SLC4A10: variants seen among roughly 807,000 people sequenced by gnomAD.
The protein encoded by SLC4A10 is sodium-driven chloride bicarbonate exchanger.
SLC4A10 carries 42 observed loss-of-function variants against 137.7 expected under a neutral mutation model. That is an observed-to-expected ratio of 0.30 (90% confidence interval 0.24 to 0.39). The LOEUF is 0.39. SLC4A10 is among the 10% of genes least tolerant of loss of function. The probability of loss-of-function intolerance (pLI) is 1.00; values close to 1 mark genes in which losing one functional copy is unlikely to be tolerated. For missense variants in SLC4A10, 925 were observed against 1,355.0 expected (o/e 0.68, Z 4.98); for synonymous variants, 474 against 464.1 (o/e 1.02, Z -0.27).
At position 161,929,069 on chromosome 2, in the gene SLC4A10, A is replaced by G. The variant is rs570229179; in HGVS notation, c.1998-13723A>G. On this transcript the variant is annotated intron_variant, in intron 15 of 26. Transcript: ENST00000446997. ...TATGCAAATAACTTTCTGTTAAACT[A>G]TAGTACTGGCCCTTTTATTTCTGAG... is the stretch of plus-strand genomic sequence containing the variant. 2.0e-5 allele frequency among the ~76,000 whole-genome samples: 3 copies of G among 152,328 alleles called. No homozygotes were observed. In the South Asian group the frequency reaches 6.2e-4, roughly 32 times the overall value.
intron 1 of SLC4A10, among the ~76,000 whole-genome samples, chr2:161,674,325 G>A (rs959519605): frequency 6.6e-6 from 1 of 152,098 alleles, no homozygotes; most frequent in Non-Finnish European, 1.5e-5. Flanking sequence ...AAGTAGCATT[G>A]GTATTGCATT....
chr2:161,701,838 C>T (rs2043150423), intron 1 of SLC4A10, among the ~76,000 whole-genome samples: 2 of 151,378 alleles, frequency 1.3e-5, no homozygotes, highest in Admixed American at 1.3e-4. Context: ...ATATGCAAAT[C>T]AAAACCACAA....
intron 10 of SLC4A10, among the ~76,000 whole-genome samples, chr2:161,891,658 A>G (rs2062937824): frequency 6.6e-6 from 1 of 151,898 alleles, no homozygotes; most frequent in Admixed American, 6.6e-5. Context: ...GGTCATTTAT[A>G]TTCTTCTCTA....
chr2:161,650,501 AG>A (rs1443194817), intron 1 of SLC4A10, among the ~76,000 whole-genome samples: 2 of 151,726 alleles, frequency 1.3e-5, no homozygotes, highest in African/African-American at 4.8e-5. Flanking sequence ...TTTACTGGAC[AG>A]GGGAGCCCCA....
intron 17 of SLC4A10, 21 bp downstream of exon 17, chr2:161,947,748 T>A: frequency 6.2e-7 from 1 of 1,603,510 alleles, no homozygotes; most frequent in Admixed American, 1.7e-5. Flanking sequence ...TATTTCTTGA[T>A]CTAAATGTAA....
chr2:161,810,413 G>A (rs2056426777), intron 3 of SLC4A10, among the ~76,000 whole-genome samples: 1 of 152,022 alleles, frequency 6.6e-6, no homozygotes, highest in South Asian at 2.1e-4. Context: ...TTAAATAGGA[G>A]TGGTAAGAGT....
chr2:161,812,260 A>G (rs565265049), intron 3 of SLC4A10, among the ~76,000 whole-genome samples: 400 of 152,076 alleles, frequency 2.6e-3, no homozygotes, highest in African/African-American at 9.2e-3. Context: ...CCTAGGGAAC[A>G]TTTTCCTATT....
chr2:161,754,214 T>A (rs2049331526), intron 1 of SLC4A10, among the ~76,000 whole-genome samples: 1 of 152,098 alleles, frequency 6.6e-6, no homozygotes, highest in Non-Finnish European at 1.5e-5. Flanking sequence ...CTTCTTGAGT[T>A]GTATTGTCGA....
At chr2:161,844,316 C>A (rs538324764) in intron 4 of SLC4A10, among the ~76,000 whole-genome samples, 3 of 151,976 alleles carry the variant, frequency 2.0e-5, no homozygotes, top group Non-Finnish European at 4.4e-5. Flanking sequence ...GGATTTTTTA[C>A]GGGAAAATAA....
intron 1 of SLC4A10, among the ~76,000 whole-genome samples, chr2:161,630,664 G>A (rs751692653): frequency 2.6e-5 from 4 of 151,664 alleles, no homozygotes; most frequent in Admixed American, 2.0e-4. Context: ...TCTATTACTA[G>A]CATAGCATCA....
At chr2:161,928,185 T>C (rs1393826067) in intron 15 of SLC4A10, among the ~76,000 whole-genome samples, 1 of 148,752 alleles carries the variant, frequency 6.7e-6, no homozygotes, top group Non-Finnish European at 1.5e-5. Context: ...TGGAATACTA[T>C]GCAGCCATAA....
At chr2:161,939,508 ACATATGTAGATTTC>A (rs879655756) in intron 15 of SLC4A10, among the ~76,000 whole-genome samples, 71 of 152,152 alleles carry the variant, frequency 4.7e-4, no homozygotes, top group Non-Finnish European at 6.6e-4. Context: ...GCCACAATTA[ACATATGTAGATTTC>A]CATTTCTGAT....
intron 6 of SLC4A10, among the ~76,000 whole-genome samples, chr2:161,871,475 A>C (rs548025929): frequency 1.3e-5 from 2 of 152,158 alleles, no homozygotes; most frequent in Admixed American, 1.3e-4. Context: ...GACTTACTGC[A>C]AACAATGTTT....
intron 1 of SLC4A10, among the ~76,000 whole-genome samples, chr2:161,711,871 G>A (rs1211636997): frequency 1.3e-5 from 2 of 151,744 alleles, no homozygotes; most frequent in East Asian, 3.9e-4. Flanking sequence ...AAAGAGTTGT[G>A]GTAAACATTA....
chr2:161,926,630 C>A (rs1381426458), intron 15 of SLC4A10, among the ~76,000 whole-genome samples: 3 of 141,056 alleles, frequency 2.1e-5, no homozygotes, highest in Non-Finnish European at 4.7e-5. Context: ...TTGCTTGTTA[C>A]TTGATGCAGT....
chr2:161,748,983 G>A (rs2048672961), intron 1 of SLC4A10, among the ~76,000 whole-genome samples: 1 of 151,798 alleles, frequency 6.6e-6, no homozygotes, highest in Non-Finnish European at 1.5e-5. Flanking sequence ...TCAGTGTACA[G>A]ATCTTTTAGT....
intron 8 of SLC4A10, among the ~76,000 whole-genome samples, chr2:161,876,748 G>T (rs1471459113): frequency 6.6e-6 from 1 of 151,982 alleles, no homozygotes; most frequent in Non-Finnish European, 1.5e-5. Context: ...GAAGTATATA[G>T]TACACAAACA....
Sources: allele counts gnomAD v4.1 joint callset (sites outside exome capture counted in the v4.1 genomes callset), GRCh38; gene constraint gnomAD v4.1.1; transcripts MANE v1.5; gene names NCBI Gene and HGNC (gene_info 2026-07-23, HGNC 2026-07-21).